COG3: variants seen among roughly 807,000 people sequenced by gnomAD.
COG3 encodes the protein component of oligomeric golgi complex 3.
Under a neutral mutation model 114.1 loss-of-function variants are expected in COG3, and 32 were observed. That is an observed-to-expected ratio of 0.28 (90% CI 0.21 to 0.38). The LOEUF (loss-of-function observed/expected upper bound fraction) is 0.38, where lower values mean the gene tolerates loss of function less well. Ranked by LOEUF, COG3 falls within the 10% of genes least tolerant of loss-of-function variation. The probability of loss-of-function intolerance (pLI) is 1.00; values close to 1 mark genes in which losing one functional copy is unlikely to be tolerated. For synonymous variants in COG3, 352 were observed against 365.7 expected (o/e 0.96, Z 0.43); for missense variants, 813 against 973.2 (o/e 0.84, Z 2.19).
chr13:45,484,577 CTTAT>C (rs200717475), intron 7 of COG3, among the ~76,000 whole-genome samples: 6,080 of 137,314 alleles, frequency 0.044, 226 homozygotes, highest in African/African-American at 0.12. Flanking sequence ...CCTAAGCTTG[CTTAT>C]TTATTTATTT....
At chr13:45,476,819 C>G (rs531893140) in intron 2 of COG3, among the ~76,000 whole-genome samples, 1 of 152,324 alleles carries the variant, frequency 6.6e-6, no homozygotes, top group East Asian at 1.9e-4. Context: ...GAAACCTAAA[C>G]TTACAGTAGT....
intron 1 of COG3, among the ~76,000 whole-genome samples, chr13:45,472,555 T>C (rs1024700436): frequency 7.9e-5 from 12 of 152,186 alleles, no homozygotes; most frequent in Non-Finnish European, 1.5e-4. Context: ...CTCTGTATGA[T>C]TCATTTTGGG....
chr13:45,494,372 C>T (rs188000614), intron 12 of COG3, among the ~76,000 whole-genome samples: 3 of 150,558 alleles, frequency 2.0e-5, no homozygotes, highest in Admixed American at 2.0e-4. Flanking sequence ...ATTCTACTCA[C>T]AGAATTTATT....
At chr13:45,502,523 G>C (rs555255187) in intron 13 of COG3, among the ~76,000 whole-genome samples, 2 of 152,306 alleles carry the variant, frequency 1.3e-5, no homozygotes, top group South Asian at 4.1e-4. Flanking sequence ...ACATCTGCAT[G>C]CCGTTTAGGA....
At chr13:45,523,259 A>AT (rs1872360983) in intron 19 of COG3, among the ~76,000 whole-genome samples, 1 of 151,738 alleles carries the variant, frequency 6.6e-6, no homozygotes, top group Admixed American at 6.6e-5. Flanking sequence ...TATTCTTAAT[A>AT]TTCCCTCTGA....
chr13:45,497,252 A>G (rs1868910240), intron 13 of COG3, among the ~76,000 whole-genome samples: 2 of 152,196 alleles, frequency 1.3e-5, no homozygotes, highest in Admixed American at 1.3e-4. Flanking sequence ...TTTCAGTTCC[A>G]TATATGTCTT....
intron 6 of COG3, 110 bp from the exon 7 acceptor site, chr13:45,483,119 GT>G: frequency 1.5e-6 from 1 of 681,062 alleles, no homozygotes; most frequent in Non-Finnish European, 2.4e-6. Flanking sequence ...TATGAAACCT[GT>G]TTTTGAACTT....
intron 2 of COG3, among the ~76,000 whole-genome samples, chr13:45,477,601 A>G (rs1209491143): frequency 2.0e-5 from 3 of 151,500 alleles, no homozygotes; most frequent in Non-Finnish European, 2.9e-5. Flanking sequence ...ATTCAGATCC[A>G]GGGCTAGCTG....
intron 16 of COG3, among the ~76,000 whole-genome samples, chr13:45,515,408 A>G (rs1291681870): frequency 6.6e-6 from 1 of 152,218 alleles, no homozygotes; most frequent in Non-Finnish European, 1.5e-5. Flanking sequence ...TCAAAATAAG[A>G]TTCTGCCTTG....
chr13:45,509,841 G>T, intron 15 of COG3, 25 bp downstream of exon 15: 1 of 1,545,352 alleles, frequency 6.5e-7, no homozygotes, highest in Non-Finnish European at 8.8e-7. Flanking sequence ...ACTGTGAATT[G>T]CTCGTTCTTT....
At chr13:45,525,634 G>GTTTTTTTTTTTTTTTTTTTTTTTTTTTT (rs59577529) in intron 20 of COG3, among the ~76,000 whole-genome samples, 3 of 56,646 alleles carry the variant, frequency 5.3e-5, no homozygotes, top group Non-Finnish European at 9.0e-5. Flanking sequence ...AGGGCTTTGG[G>GTTTTTTTTTTTTTTTTTTTTTTTTTTTT]TTTTTTTTTT....
chr13:45,505,993 T>C (rs1005089963), intron 14 of COG3, among the ~76,000 whole-genome samples: 4 of 152,116 alleles, frequency 2.6e-5, no homozygotes, highest in African/African-American at 9.7e-5. Flanking sequence ...CCTCCTGGGC[T>C]TAAAGCCAAC....
In COG3 at chr13:45,465,009, G is replaced by A. The variant is rs1422685421; in HGVS notation, c.-28G>A. 1 of 1,547,100 alleles carries A rather than the reference G, an allele frequency of 6.5e-7. No individual in the cohort carries two copies. The highest frequency in any genetic ancestry group is 8.7e-7 in the Non-Finnish European group (1 of 1,147,444). ...CTGTCGGGGTCCCCTCCATCTCGCT[G>A]CTGCTGAAGGCCGCGAGGGCGGCGG... is the stretch of plus-strand genomic sequence containing the variant. On this transcript the variant is annotated 5_prime_UTR_variant, in exon 1 of 23. Coordinates refer to ENST00000349995, the MANE Select transcript of COG3 (RefSeq NM_031431.4).
chr13:45,479,467 TG>T (rs1002573766), intron 3 of COG3, among the ~76,000 whole-genome samples: 7 of 151,946 alleles, frequency 4.6e-5, no homozygotes, highest in African/African-American at 1.7e-4. Context: ...GCTGACAGCA[TG>T]GGGGAAATGT....
intron 4 of COG3, 21 bp downstream of exon 4, chr13:45,480,311 G>C: frequency 6.6e-7 from 1 of 1,523,518 alleles, no homozygotes; most frequent in Non-Finnish European, 9.0e-7. Context: ...GTAAGAGAGA[G>C]GATCAGTCAT....
In COG3 at chr13:45,516,273, T is replaced by TAG. The variant is rs759709534; in HGVS notation, c.1930+10_1930+11insAG. The TAG allele has an allele frequency of 2.2e-5, 35 of 1,570,814 alleles. No individual in the cohort carries two copies. Among genetic ancestry groups the TAG allele is most frequent in the Admixed American group, 3.5e-5 (2 of 57,836 alleles). On this transcript the variant is annotated intron_variant, in intron 17 of 22. Coordinates refer to ENST00000349995, the MANE Select transcript of COG3 (RefSeq NM_031431.4). ...CTCAAGAAAACTAGAGGTACTTTGCTGTCCTGGCTGGCACACTTGGGTGTG... is the reference window on the plus strand; with the variant it reads ...CTCAAGAAAACTAGAGGTACTTTGCTAGGTCCTGGCTGGCACACTTGGGTGTG...
Position 45,465,072 on chromosome 13 carries a change from G to T in COG3, c.36G>T (p.Ala12=). 1 of 1,600,500 alleles carries T rather than the reference G, an allele frequency of 6.2e-7. No individual in the cohort carries two copies. Among genetic ancestry groups the T allele is most frequent in the Non-Finnish European group, 8.5e-7 (1 of 1,174,840 alleles). ...CGGCGCTGTTGCTGCTGCCTGAGGC[G>T]GCGGCGGAGCGGGACGCTAGGGAAA... is the stretch of plus-strand genomic sequence containing the variant. The part of the protein sequence containing the change: ...AEAALLLLPE[A]AAERDAREKL... Residue 12 remains alanine (A), a synonymous_variant, in exon 1 of 23, where the codon GCG becomes GCT. Transcript: ENST00000349995.
intron 1 of COG3, 72 bp from the exon 2 acceptor site, chr13:45,476,129 A>G: frequency 6.9e-7 from 1 of 1,445,622 alleles, no homozygotes; most frequent in Non-Finnish European, 9.6e-7. Flanking sequence ...ACTGAGATGG[A>G]AACCCAATCT....
chr13:45,486,239 G>C, intron 7 of COG3, among the ~76,000 whole-genome samples: 1 of 145,046 alleles, frequency 6.9e-6, no homozygotes, highest in Admixed American at 6.6e-5. Context: ...GCAGTGAGCC[G>C]AGATGGCAGC....
Sources: gnomAD v4.1 joint callset for allele counts (sites outside exome capture counted in the v4.1 genomes callset) on GRCh38, gnomAD v4.1.1 for gene constraint, MANE v1.5 for transcripts, NCBI Gene and HGNC (gene_info 2026-07-23, HGNC 2026-07-21) for gene names.